The following NXPE4 variants were observed in gnomAD, a reference collection of about 807,000 sequenced individuals.
NXPE4 encodes NXPE family member 4.
A neutral mutation model predicts 33.3 loss-of-function variants in NXPE4; 42 were observed. That is an observed-to-expected ratio of 1.26 (90% CI 0.98 to 1.63). The LOEUF is 1.63. Among genes scored for constraint, NXPE4 ranks in the 40% most tolerant of loss-of-function variants. The probability of loss-of-function intolerance (pLI) is 0.00; values close to 1 mark genes in which losing one functional copy is unlikely to be tolerated. For missense variants in NXPE4, 709 were observed against 647.6 expected, an observed-to-expected ratio of 1.09 and a Z score of -1.03; for synonymous variants, 253 against 234.9, an observed-to-expected ratio of 1.08 and a Z score of -0.71.
At chr11:114,623,875 C>T in the NXPE4 span, among the ~76,000 whole-genome samples, 67 of 152,020 alleles carry the variant, frequency 4.4e-4, no homozygotes, top group South Asian at 0.013. Flanking sequence ...CAACTGTTAC[C>T]CAGGGGATAG....
the NXPE4 span, among the ~76,000 whole-genome samples, chr11:114,626,410 G>A: frequency 1.3e-5 from 2 of 152,204 alleles, no homozygotes; most frequent in Admixed American, 6.5e-5. Context: ...CCCCCAACAG[G>A]GGCAGACTGA....
chr11:114,615,872 C>A, the NXPE4 span, among the ~76,000 whole-genome samples: 5 of 151,694 alleles, frequency 3.3e-5, no homozygotes, highest in African/African-American at 1.2e-4. Flanking sequence ...AGCACTGTGA[C>A]CTGGTCAATA....
At chr11:114,619,820 T>G in the NXPE4 span, among the ~76,000 whole-genome samples, 1 of 151,330 alleles carries the variant, frequency 6.6e-6, no homozygotes, top group Non-Finnish European at 1.5e-5. Context: ...ACCCAGTTTA[T>G]AATAAGTGTT....
chr11:114,594,891 T>A, intron 1 of NXPE4, 122 bp from the exon 2 acceptor site: 1 of 584,804 alleles, frequency 1.7e-6, no homozygotes, highest in South Asian at 2.0e-5. Context: ...GATAAATAAC[T>A]CCCAGAAATA....
At chr11:114,675,198 C>T in the NXPE4 span, among the ~76,000 whole-genome samples, 1 of 151,752 alleles carries the variant, frequency 6.6e-6, no homozygotes, top group African/African-American at 2.4e-5. Context: ...AAACCCACAA[C>T]TAATATCATA....
At chr11:114,580,364 T>G in intron 4 of NXPE4, 26 bp from the exon 5 acceptor site, 1 of 1,600,790 alleles carries the variant, frequency 6.2e-7, no homozygotes, top group Non-Finnish European at 8.6e-7. Flanking sequence ...TGAGATAGGA[T>G]CTTCCAAAAC....
the NXPE4 span, among the ~76,000 whole-genome samples, chr11:114,601,929 TTA>T: frequency 6.2e-5 from 4 of 64,264 alleles, no homozygotes; most frequent in African/African-American, 2.2e-4. Context: ...TATAATATAT[TTA>T]TATATATTAT....
At chr11:114,631,369 T>C in the NXPE4 span, among the ~76,000 whole-genome samples, 2 of 151,892 alleles carry the variant, frequency 1.3e-5, no homozygotes, top group East Asian at 1.9e-4. Context: ...TCATGTCCTT[T>C]GTAGGGACAT....
chr11:114,667,180 T>C, the NXPE4 span, among the ~76,000 whole-genome samples: 1 of 152,106 alleles, frequency 6.6e-6, no homozygotes, highest in East Asian at 1.9e-4. Flanking sequence ...TGACAGAGAG[T>C]GACAAAACTG....
At chr11:114,621,310 G>T in the NXPE4 span, among the ~76,000 whole-genome samples, 1 of 152,044 alleles carries the variant, frequency 6.6e-6, no homozygotes, top group Non-Finnish European at 1.5e-5. Context: ...TTGCTTTGTG[G>T]GTATCCACTG....
chr11:114,602,494 A>T, the NXPE4 span, among the ~76,000 whole-genome samples: 1 of 137,046 alleles, frequency 7.3e-6, no homozygotes, highest in Non-Finnish European at 1.5e-5. Context: ...AACATATATT[A>T]TCCCATATGT....
At chr11:114,588,285 C>T (rs1056737217) in intron 2 of NXPE4, among the ~76,000 whole-genome samples, 1 of 152,154 alleles carries the variant, frequency 6.6e-6, no homozygotes, top group Admixed American at 6.5e-5. Flanking sequence ...AGGAAATGCT[C>T]AATGGAGGTG....
chr11:114,662,899 C>A, the NXPE4 span, among the ~76,000 whole-genome samples: 1 of 152,152 alleles, frequency 6.6e-6, no homozygotes, highest in African/African-American at 2.4e-5. Context: ...GGCAGCAATA[C>A]CCAGGTACTA....
At chr11:114,660,889 C>T in the NXPE4 span, among the ~76,000 whole-genome samples, 1 of 152,030 alleles carries the variant, frequency 6.6e-6, no homozygotes, top group East Asian at 1.9e-4. Context: ...TTAGTGTCAG[C>T]AAGATTATAA....
rs527732498 is a variant in NXPE4, at chr11:114,589,335, CTGAA to C, written c.96+5325_96+5328del. 1.6e-3 allele frequency among the ~76,000 whole-genome samples: 249 copies of C among 152,228 alleles called. 1 individual carries two copies. The highest frequency in any genetic ancestry group is 5.8e-3 in the African/African-American group (240 of 41,532). ...CAGGAGGCCCAGGTAATTCTGGAAA[CTGAA>C]GGAAGGAAGGTGGACCTCCTTCTGG... On this transcript the variant is annotated intron_variant, in intron 2 of 5. Transcript: ENST00000375478.
chr11:114,646,547 G>A, the NXPE4 span, among the ~76,000 whole-genome samples: 12 of 152,034 alleles, frequency 7.9e-5, no homozygotes, highest in East Asian at 2.3e-3. Context: ...TTATAAAAGT[G>A]AGTTATCATA....
At chr11:114,668,030 T>C in the NXPE4 span, among the ~76,000 whole-genome samples, 1 of 151,818 alleles carries the variant, frequency 6.6e-6, no homozygotes, top group African/African-American at 2.4e-5. Context: ...GTTCTACAGG[T>C]ACACACAGAA....
the NXPE4 span, among the ~76,000 whole-genome samples, chr11:114,617,146 C>A: frequency 1.2e-4 from 15 of 129,384 alleles, no homozygotes; most frequent in Non-Finnish European, 2.0e-4. Flanking sequence ...TAATAAGTGA[C>A]GTTTTGTGGG....
the NXPE4 span, among the ~76,000 whole-genome samples, chr11:114,626,048 G>C: frequency 2.6e-5 from 4 of 152,180 alleles, no homozygotes; most frequent in Non-Finnish European, 4.4e-5. Flanking sequence ...CTCACTGATT[G>C]CTAGCACAGC....
Sources: allele counts gnomAD v4.1 joint callset (sites outside exome capture counted in the v4.1 genomes callset), GRCh38; gene constraint gnomAD v4.1.1; transcripts MANE v1.5; gene names NCBI Gene and HGNC (gene_info 2026-07-23, HGNC 2026-07-21).